The following ACOX3 variants were observed in gnomAD, a reference collection of about 807,000 sequenced individuals.
The protein encoded by ACOX3 is peroxisomal acyl-coenzyme A oxidase 3.
ACOX3 carries 73 observed loss-of-function variants against 81.5 expected under a neutral mutation model. The observed-to-expected ratio is 0.90, with a 90% CI of 0.74 to 1.09. The LOEUF (loss-of-function observed/expected upper bound fraction) is 1.09, where lower values mean the gene tolerates loss of function less well. Among genes scored for constraint, ACOX3 ranks in the 50% least tolerant of loss-of-function variants. The pLI, the probability that ACOX3 is intolerant of heterozygous loss-of-function variation, is 0.00. For synonymous variants in ACOX3, 387 were observed against 375.1 expected, an observed-to-expected ratio of 1.03 and a Z score of -0.37; for missense variants, 947 against 928.0, an observed-to-expected ratio of 1.02 and a Z score of -0.27.
In ACOX3 at chr4:8,423,406, G is replaced by A. The variant is rs765077999; in HGVS notation, c.-14-6871C>T. On this transcript the variant is annotated intron_variant, in intron 1 of 17. Transcript: ENST00000356406. This position sits in a 1 kb window ranked among gnomAD's most constrained non-coding sequence, Gnocchi z 4.2. ...AGGACAATATGGATGAGGGAAGAAT[G>A]CCCGTCCCGTTCAAGTTAAACTAAA... Among the ~76,000 whole-genome samples, 2 of 152,126 alleles carry A rather than the reference G, an allele frequency of 1.3e-5. No homozygotes were observed. Among genetic ancestry groups the A allele is most frequent in the Non-Finnish European group, 2.9e-5 (2 of 68,006 alleles).
the ACOX3 span, among the ~76,000 whole-genome samples, chr4:8,358,777 G>A: frequency 4.6e-5 from 7 of 152,176 alleles, no homozygotes; most frequent in South Asian, 2.1e-4. Context: ...GGTCTAAAAA[G>A]GGGAGACATG....
chr4:8,370,716 A>G lies in ACOX3; in HGVS notation c.1983+192T>C, dbSNP rs573564083. Among the ~76,000 whole-genome samples, 21 of 152,238 alleles carry G rather than the reference A, an allele frequency of 1.4e-4. No individual in the cohort carries two copies. The East Asian group carries it at 4.1e-3, about 30-fold the overall frequency. ...GCAGGGGATGGGCAAGTCCCCTGCA[A>G]CCACAGAGCCAGCATGGGGAAGCAC... On this transcript the variant is annotated intron_variant, in intron 17 of 17. Coordinates refer to ENST00000356406, the MANE Select transcript of ACOX3 (RefSeq NM_003501.3). The surrounding 1 kb of genome is among the most constrained non-coding windows in gnomAD (Gnocchi z 6.3).
intron 17 of ACOX3, among the ~76,000 whole-genome samples, chr4:8,369,512 C>A (rs1014948517): frequency 1.3e-5 from 2 of 152,206 alleles, no homozygotes; most frequent in South Asian, 4.1e-4. Flanking sequence ...AGTGGTCAGT[C>A]CCCGATGCAG....
chr4:8,424,726 G>A (rs1250287955), intron 1 of ACOX3, among the ~76,000 whole-genome samples: 1 of 152,182 alleles, frequency 6.6e-6, no homozygotes, highest in Non-Finnish European at 1.5e-5. Context: ...ATTTCTTCCA[G>A]ACAATGAAGA....
intron 13 of ACOX3, among the ~76,000 whole-genome samples, chr4:8,383,024 C>A (rs1234355063): frequency 6.6e-6 from 1 of 150,988 alleles, no homozygotes; most frequent in Admixed American, 6.6e-5. Context: ...AAATACCCAA[C>A]GTTGCAGTTC....
chr4:8,426,346 A>T (rs1723480473), intron 1 of ACOX3, among the ~76,000 whole-genome samples: 1 of 152,002 alleles, frequency 6.6e-6, no homozygotes, highest in Non-Finnish European at 1.5e-5. Flanking sequence ...AAGTGTCTGG[A>T]GTGGAGTCTT....
chr4:8,374,058 C>T (rs562737763), intron 15 of ACOX3: 9 of 186,382 alleles, frequency 4.8e-5, no homozygotes, highest in East Asian at 3.2e-4. Context: ...GAGTTGGGGG[C>T]GGTGGGCACC....
In ACOX3 at chr4:8,386,418, T is replaced by C. The variant is rs1368193181; in HGVS notation, c.1537+2755A>G. Among the ~76,000 whole-genome samples, 1 of 151,756 alleles carries C rather than the reference T, an allele frequency of 6.6e-6. No homozygotes were observed. The highest frequency in any genetic ancestry group is 1.5e-5 in the Non-Finnish European group (1 of 67,930). On this transcript the variant is annotated intron_variant, in intron 13 of 17. Transcript: ENST00000356406. The surrounding 1 kb of genome is among the most constrained non-coding windows in gnomAD (Gnocchi z 5.2). ...CGTCTCTACTAAAAATACAAAAAAT[T>C]AGCCGGGTGTGGTTGTGGGCTCCTG... is the stretch of plus-strand genomic sequence containing the variant.
chr4:8,421,765 T>C (rs1263308865), intron 1 of ACOX3, among the ~76,000 whole-genome samples: 2 of 152,184 alleles, frequency 1.3e-5, no homozygotes, highest in African/African-American at 4.8e-5. Flanking sequence ...CCAATTTAGA[T>C]ATACAGCTCT....
At chr4:8,410,703 G>A (rs9799669) in intron 5 of ACOX3, among the ~76,000 whole-genome samples, 2 of 152,236 alleles carry the variant, frequency 1.3e-5, no homozygotes, top group South Asian at 2.1e-4. Flanking sequence ...CACTGTGGGC[G>A]GGGCTGTCTG....
chr4:8,360,557 C>T, the ACOX3 span, among the ~76,000 whole-genome samples: 2,554 of 151,548 alleles, frequency 0.017, 81 homozygotes, highest in African/African-American at 0.058. Flanking sequence ...TTGCAAGCTC[C>T]GCCTCCTGGG....
chr4:8,355,927 G>GA, the ACOX3 span: 2 of 160,880 alleles, frequency 1.2e-5, no homozygotes, highest in African/African-American at 4.8e-5. Flanking sequence ...AAGCACGGGG[G>GA]AAGGTATGTT....
At chr4:8,402,216 G>C (rs916516749) in intron 7 of ACOX3, among the ~76,000 whole-genome samples, 3 of 152,236 alleles carry the variant, frequency 2.0e-5, no homozygotes, top group African/African-American at 4.8e-5. Flanking sequence ...GACGGGGCTG[G>C]AGCTCCTTAG....
At chr4:8,435,473 G>GCAA (rs1724180032) in intron 1 of ACOX3, among the ~76,000 whole-genome samples, 1 of 151,850 alleles carries the variant, frequency 6.6e-6, no homozygotes, top group Non-Finnish European at 1.5e-5. Context: ...TCCAGCCTGG[G>GCAA]CAACAGAGCG....
chr4:8,389,672 T>G lies in ACOX3; in HGVS notation c.1363A>C (p.Asn455His), dbSNP rs1406354252. 1 of 1,614,120 alleles carries G rather than the reference T, an allele frequency of 6.2e-7. No homozygotes were observed. The highest frequency in any genetic ancestry group is 8.5e-7 in the Non-Finnish European group (1 of 1,180,012). ...TTGCTTGTCTGCTGCAGCAGGATGTTGTTGTCACCTTCGTATGTGCAGTTG... is the reference window on the plus strand; with the variant it reads ...TTGCTTGTCTGCTGCAGCAGGATGTGGTTGTCACCTTCGTATGTGCAGTTG... ...DPNCTYEGDN[N>H]ILLQQTSNYL... Residue 455 changes from asparagine to histidine, a missense_variant, in exon 12 of 18, where the codon AAC (asparagine) becomes CAC (histidine). By Grantham distance (68) the Asn-to-His change is moderately conservative. Transcript: ENST00000356406. The surrounding 1 kb of genome is among the most constrained non-coding windows in gnomAD (Gnocchi z 5.3).
chr4:8,367,230 A>G (rs1376992712), intron 17 of ACOX3, 150 bp from the exon 18 acceptor site: 1 of 1,083,022 alleles, frequency 9.2e-7, no homozygotes. Flanking sequence ...CCGTAATCCC[A>G]GCATTTTGGG....
Position 8,407,465 on chromosome 4 carries a change from T to G in ACOX3, c.688-1422A>C, listed in dbSNP as rs1257280876. Among the ~76,000 whole-genome samples the G allele has an allele frequency of 6.6e-6, 1 of 152,132 alleles. No individual in the cohort carries two copies. Among genetic ancestry groups the G allele is most frequent in the Admixed American group, 6.5e-5 (1 of 15,274 alleles). ...TAGGAAGGATCCTCCCCTAGAGCCT[T>G]TAAAGGGAATGCCGCCCTAAAGATT... On this transcript the variant is annotated intron_variant, in intron 6 of 17. Coordinates refer to ENST00000356406, the MANE Select transcript of ACOX3 (RefSeq NM_003501.3). This position sits in a 1 kb window ranked among gnomAD's most constrained non-coding sequence, Gnocchi z 4.6.
At chr4:8,398,043 C>CGG (rs1719920631) in intron 8 of ACOX3, among the ~76,000 whole-genome samples, 1 of 152,166 alleles carries the variant, frequency 6.6e-6, no homozygotes, top group Non-Finnish European at 1.5e-5. Context: ...TGCCTGTAGT[C>CGG]CCAGCTACTC....
At chr4:8,361,632 C>T (rs560163950), downstream of ACOX3, among the ~76,000 whole-genome samples, 80 of 151,906 alleles carry the variant, frequency 5.3e-4, no homozygotes, top group Admixed American at 2.1e-3. Flanking sequence ...GTTTTTTCTT[C>T]GAGCAAAAAC....
Sources: gnomAD v4.1 joint callset for allele counts (sites outside exome capture counted in the v4.1 genomes callset) on GRCh38, gnomAD v4.1.1 for gene constraint, Gnocchi (gnomAD v3.1) non-coding constraint, MANE v1.5 for transcripts, NCBI Gene and HGNC (gene_info 2026-07-23, HGNC 2026-07-21) for gene names.